The following FOXP1 variants were observed in gnomAD, a reference collection of about 807,000 sequenced individuals.
FOXP1 encodes the protein forkhead box protein P1.
FOXP1 carries 15 observed loss-of-function variants against 98.2 expected under a neutral mutation model. That is an observed-to-expected ratio of 0.15 (90% CI 0.10 to 0.24). The LOEUF is 0.24. Ranked by LOEUF, FOXP1 falls within the 10% of genes least tolerant of loss-of-function variation. The pLI, the probability that FOXP1 is intolerant of heterozygous loss-of-function variation, is 1.00. For missense variants in FOXP1, 633 were observed against 848.5 expected (o/e 0.75, Z 3.15); for synonymous variants, 371 against 314.5 (o/e 1.18, Z -1.90).
chr3:71,522,647 G>C (rs1327440439), intron 2 of FOXP1, among the ~76,000 whole-genome samples: 1 of 152,314 alleles, frequency 6.6e-6, no homozygotes, highest in African/African-American at 2.4e-5. Flanking sequence ...CTTCAAGACT[G>C]AGACCATAAC....
chr3:71,161,059 A>G (rs34347778), intron 6 of FOXP1, among the ~76,000 whole-genome samples: 49,761 of 151,950 alleles, frequency 0.33, 8,819 homozygotes, highest in East Asian at 0.7. Context: ...AGCACTAATC[A>G]TTTTTGTGGG....
At chr3:71,425,912 C>T (rs769787635) in intron 3 of FOXP1, among the ~76,000 whole-genome samples, 5 of 152,194 alleles carry the variant, frequency 3.3e-5, no homozygotes, top group African/African-American at 1.2e-4. Context: ...CACTCACCCA[C>T]GTATAGCTGA....
chr3:71,396,835 C>T (rs562501263), intron 3 of FOXP1, among the ~76,000 whole-genome samples: 3 of 146,284 alleles, frequency 2.1e-5, no homozygotes, highest in South Asian at 4.3e-4. Flanking sequence ...TTTATTTCTC[C>T]GAAACTTTAC....
intron 2 of FOXP1, among the ~76,000 whole-genome samples, chr3:71,548,075 A>G (rs756125240): frequency 3.3e-5 from 5 of 152,186 alleles, no homozygotes; most frequent in Admixed American, 6.5e-5. Flanking sequence ...GGGCCTCTCA[A>G]TGGGGCCTCA....
chr3:71,018,682 T>C (rs946057388), intron 11 of FOXP1, among the ~76,000 whole-genome samples: 2 of 152,206 alleles, frequency 1.3e-5, no homozygotes, highest in African/African-American at 4.8e-5. Context: ...GAGAACAAGC[T>C]GGCAGAGGTG....
At chr3:71,522,897 T>C (rs1394762008) in intron 2 of FOXP1, among the ~76,000 whole-genome samples, 2 of 152,172 alleles carry the variant, frequency 1.3e-5, no homozygotes, top group South Asian at 2.1e-4. Context: ...TTCTACTCCA[T>C]AATATTCTCA....
intron 20 of FOXP1, among the ~76,000 whole-genome samples, chr3:70,962,581 T>G (rs1200605170): frequency 6.6e-6 from 1 of 152,248 alleles, no homozygotes; most frequent in Non-Finnish European, 1.5e-5. Flanking sequence ...TCCTAATGTT[T>G]GTTTCAAACT....
chr3:71,417,195 C>T (rs1008276391), intron 3 of FOXP1, among the ~76,000 whole-genome samples: 4 of 152,134 alleles, frequency 2.6e-5, no homozygotes, highest in Non-Finnish European at 5.9e-5. Context: ...TACAGACTCG[C>T]GACATCCTCC....
Position 71,470,954 on chromosome 3 carries a change from C to G in FOXP1, c.-168+22472G>C, listed in dbSNP as rs1029198463. Among the ~76,000 whole-genome samples the G allele has an allele frequency of 3.3e-5, 5 of 152,300 alleles. No individual in the cohort carries two copies. In the East Asian group the frequency reaches 7.7e-4, roughly 23 times the overall value. On this transcript the variant is annotated intron_variant, in intron 3 of 20. Coordinates refer to ENST00000649528, the MANE Select transcript of FOXP1 (RefSeq NM_001349338.3). ...CTTCCTAAGCCTCAGCTTCCTACCT[C>G]TACAATGGGAGCAGTTAGAGAGTGA...
At chr3:71,058,495 T>C (rs1425358977) in intron 7 of FOXP1, among the ~76,000 whole-genome samples, 2 of 151,954 alleles carry the variant, frequency 1.3e-5, no homozygotes, top group African/African-American at 2.4e-5. Context: ...GGTTTGGCAG[T>C]GTCACCTGGT....
intron 12 of FOXP1, among the ~76,000 whole-genome samples, chr3:71,012,855 G>A (rs908648521): frequency 1.3e-5 from 2 of 152,156 alleles, no homozygotes; most frequent in Non-Finnish European, 2.9e-5. Flanking sequence ...CAAGCACCCA[G>A]ATGTATACAT....
chr3:71,498,309 G>A (rs1366941820), intron 2 of FOXP1, among the ~76,000 whole-genome samples: 2 of 152,192 alleles, frequency 1.3e-5, no homozygotes, highest in Non-Finnish European at 1.5e-5. Flanking sequence ...TCCCTGCTCA[G>A]TACAAAAGTC....
At chr3:71,435,168 G>A (rs2085132838) in intron 3 of FOXP1, among the ~76,000 whole-genome samples, 1 of 140,854 alleles carries the variant, frequency 7.1e-6, no homozygotes, top group South Asian at 2.5e-4. Flanking sequence ...GAGAAGGAGG[G>A]AAAGGGGACG....
At chr3:71,237,557 A>G (rs1289976567) in intron 5 of FOXP1, among the ~76,000 whole-genome samples, 1 of 152,142 alleles carries the variant, frequency 6.6e-6, no homozygotes, top group African/African-American at 2.4e-5. Flanking sequence ...CACTTTACAT[A>G]CTGTCATCAC....
In FOXP1 at chr3:70,970,992, G is replaced by GGTTGGACTTCTCTAT. The variant is rs1250420163; in HGVS notation, c.1653-202_1653-188dup. ...GGCGGGTGTGTGTGCACACCTCTGG[G>GGTTGGACTTCTCTAT]GTTGGACTTCTCTATTCAAGGAAAC... On this transcript the variant is annotated intron_variant, in intron 18 of 20. Coordinates refer to ENST00000649528, the MANE Select transcript of FOXP1 (RefSeq NM_001349338.3). 4.9e-6 allele frequency: 3 copies of GGTTGGACTTCTCTAT among 612,868 alleles called. No homozygotes were observed. The African/African-American group carries it at 5.5e-5, about 11-fold the overall frequency. The allele number at this position is 612,868 out of a possible 1,614,324, so 38.0% of individuals were successfully genotyped here.
intron 17 of FOXP1, among the ~76,000 whole-genome samples, chr3:70,974,220 C>T (rs1049945759): frequency 3.3e-5 from 5 of 151,794 alleles, no homozygotes; most frequent in African/African-American, 4.8e-5. Flanking sequence ...ATCTCTAAAC[C>T]GAAAACATTT....
Position 71,577,752 on chromosome 3 carries a change from T to C in FOXP1, c.-298+3797A>G, listed in dbSNP as rs377698350. On this transcript the variant is annotated intron_variant, in intron 2 of 20. Coordinates refer to ENST00000649528, the MANE Select transcript of FOXP1 (RefSeq NM_001349338.3). Reference sequence around the variant, plus strand: ...TTGCTGGCTTGTCTCACAAACTCAATGTTTGATCACCTGGTGGGACTAACT... The same window carrying C: ...TTGCTGGCTTGTCTCACAAACTCAACGTTTGATCACCTGGTGGGACTAACT... Among the ~76,000 whole-genome samples, 3 of 152,002 alleles carry C rather than the reference T, an allele frequency of 2.0e-5. No homozygotes were observed. In the East Asian group the frequency reaches 5.8e-4, roughly 29 times the overall value.
At chr3:71,087,411 G>T (rs1051094330) in intron 7 of FOXP1, among the ~76,000 whole-genome samples, 4 of 152,236 alleles carry the variant, frequency 2.6e-5, no homozygotes, top group African/African-American at 9.6e-5. Flanking sequence ...ACATATTGAT[G>T]TAAACGGCAT....
At chr3:71,311,750 G>T (rs572661010) in intron 4 of FOXP1, among the ~76,000 whole-genome samples, 1 of 152,342 alleles carries the variant, frequency 6.6e-6, no homozygotes, top group East Asian at 1.9e-4. Flanking sequence ...AAACTTGGCA[G>T]CTCTGTGCCC....
Sources: gnomAD v4.1 joint callset for allele counts (sites outside exome capture counted in the v4.1 genomes callset) on GRCh38, gnomAD v4.1.1 for gene constraint, MANE v1.5 for transcripts, NCBI Gene and HGNC (gene_info 2026-07-23, HGNC 2026-07-21) for gene names.